Variants in EBF2 observed in about 807,000 individuals in gnomAD.
The protein encoded by EBF2 is EBF transcription factor 2, also known as transcription factor COE2.
Under a neutral mutation model 72.8 loss-of-function variants are expected in EBF2, and 21 were observed. That is an observed-to-expected ratio of 0.29 (90% CI 0.20 to 0.42). The LOEUF (loss-of-function observed/expected upper bound fraction) is 0.42. Ranked by LOEUF, EBF2 falls within the 10% of genes least tolerant of loss-of-function variation. The probability of loss-of-function intolerance (pLI) is 1.00; values close to 1 mark genes in which losing one functional copy is unlikely to be tolerated. For missense variants in EBF2, 637 were observed against 731.2 expected (o/e 0.87, Z 1.49); for synonymous variants, 299 against 274.2 (o/e 1.09, Z -0.89).
At chr8:25,907,450 A>AAAAAAAAAAC (rs1803055305) in intron 7 of EBF2, among the ~76,000 whole-genome samples, 1 of 144,008 alleles carries the variant, frequency 6.9e-6, no homozygotes, top group Non-Finnish European at 1.5e-5. Flanking sequence ...AAAAAAAAAA[A>AAAAAAAAAAC]AAATTATTCA....
At position 25,988,158 on chromosome 8, in the gene EBF2, G is replaced by A. The variant is rs1804491120; in HGVS notation, c.551+44927C>T. On this transcript the variant is annotated intron_variant, in intron 6 of 15. Coordinates refer to ENST00000520164, the MANE Select transcript of EBF2 (RefSeq NM_022659.4). The stretch of plus-strand genomic sequence containing the variant: ...GTGTAGATAGAAGAGAAATAAAGAG[G>A]GTAGAGCACATACTCCCACCCTGGG... Among the ~76,000 whole-genome samples the A allele has an allele frequency of 3.9e-5, 6 of 152,022 alleles. No individual in the cohort carries two copies. The South Asian group carries it at 1.2e-3, about 32-fold the overall frequency.
chr8:25,841,948 CT>C lies in EBF2; in HGVS notation c.*2660del, dbSNP rs1358884354. On this transcript the variant is annotated 3_prime_UTR_variant, in exon 16 of 16. Transcript: ENST00000520164. ...AAACTATACAGTGTGAAAATGAAAC[CT>C]TACTGTACAAAAGGTAGAGAAGTTA... 1 of 152,000 alleles carries C rather than the reference CT, an allele frequency of 6.6e-6. No homozygotes were observed. Among genetic ancestry groups the C allele is most frequent in the Non-Finnish European group, 1.5e-5 (1 of 68,000 alleles). 9.4% of individuals were successfully genotyped at this position (152,000 alleles called of 1,614,324 possible). A position where few individuals can be genotyped will look rare whatever the true frequency, so the allele number is the denominator to read the frequency against.
chr8:25,993,640 A>G lies in EBF2; in HGVS notation c.551+39445T>C, dbSNP rs1041830105. Among the ~76,000 whole-genome samples the G allele has an allele frequency of 3.3e-4, 51 of 152,302 alleles. 1 individual carries two copies. Among genetic ancestry groups the G allele is most frequent in the South Asian group, 6.2e-4 (3 of 4,824 alleles). ...CATTCTTCACGCAGCAACCGGGGGA[A>G]ACTGCAACCACTGTGTGGAATGCAA... On this transcript the variant is annotated intron_variant, in intron 6 of 15. Transcript: ENST00000520164.
chr8:25,917,998 G>A (rs1803252724), intron 6 of EBF2, among the ~76,000 whole-genome samples: 1 of 152,186 alleles, frequency 6.6e-6, no homozygotes. Flanking sequence ...TTTGGAAAGG[G>A]AATCAAGGTT....
chr8:26,004,831 G>A (rs1040475992), intron 6 of EBF2, among the ~76,000 whole-genome samples: 1 of 151,870 alleles, frequency 6.6e-6, no homozygotes, highest in African/African-American at 2.4e-5. Context: ...CTTCCAAATG[G>A]TGACTTCGTA....
At chr8:25,858,563 T>C in intron 13 of EBF2, 59 bp from the exon 14 acceptor site, 1 of 1,533,188 alleles carries the variant, frequency 6.5e-7, no homozygotes. Context: ...AGGCCACATG[T>C]GGCTAGCACA....
chr8:26,025,252 T>G (rs769240056), intron 6 of EBF2, among the ~76,000 whole-genome samples: 3 of 152,182 alleles, frequency 2.0e-5, no homozygotes, highest in Non-Finnish European at 2.9e-5. Context: ...TACCATCCAT[T>G]GACCTAGTCT....
intron 6 of EBF2, among the ~76,000 whole-genome samples, chr8:26,009,810 G>A (rs373322113): frequency 6.6e-6 from 1 of 152,144 alleles, no homozygotes; most frequent in Non-Finnish European, 1.5e-5. Flanking sequence ...TCAGTGACTG[G>A]CTTCATTTCA....
chr8:25,865,618 G>A (rs1481676968), intron 10 of EBF2, among the ~76,000 whole-genome samples: 1 of 151,720 alleles, frequency 6.6e-6, no homozygotes, highest in African/African-American at 2.4e-5. Context: ...TTTGAGACAG[G>A]GTTTCACCCT....
intron 6 of EBF2, among the ~76,000 whole-genome samples, chr8:25,911,573 C>T (rs1352921223): frequency 6.6e-6 from 1 of 152,208 alleles, no homozygotes; most frequent in Non-Finnish European, 1.5e-5. Context: ...TGGCTACCAA[C>T]TGACCACAGG....
chr8:25,972,092 G>A (rs1385211056), intron 6 of EBF2, among the ~76,000 whole-genome samples: 5 of 152,240 alleles, frequency 3.3e-5, no homozygotes, highest in Admixed American at 6.5e-5. Flanking sequence ...TGGGGACTAC[G>A]TGGCTGTTCC....
intron 6 of EBF2, among the ~76,000 whole-genome samples, chr8:25,922,401 C>T (rs189379046): frequency 6.6e-6 from 1 of 152,220 alleles, no homozygotes; most frequent in African/African-American, 2.4e-5. Context: ...ATTCTCAAAG[C>T]CTGGTGTGGT....
At chr8:26,005,561 T>TATATATAG (rs375386709) in intron 6 of EBF2, among the ~76,000 whole-genome samples, 6 of 63,898 alleles carry the variant, frequency 9.4e-5, no homozygotes, top group African/African-American at 2.2e-4. Context: ...TATATATATA[T>TATATATAG]AGAGAGAGAG....
intron 10 of EBF2, among the ~76,000 whole-genome samples, chr8:25,867,734 T>C (rs549146265): frequency 7.9e-5 from 12 of 152,314 alleles, no homozygotes; most frequent in South Asian, 2.1e-4. Flanking sequence ...TATCCAACTG[T>C]TGGCTAGAAA....
At chr8:25,865,124 A>G (rs1379306251) in intron 10 of EBF2, among the ~76,000 whole-genome samples, 2 of 151,952 alleles carry the variant, frequency 1.3e-5, no homozygotes, top group Non-Finnish European at 2.9e-5. Context: ...TTATCCATTT[A>G]TTCTTTCCAG....
intron 5 of EBF2, among the ~76,000 whole-genome samples, chr8:26,036,515 C>G (rs908753205): frequency 6.7e-6 from 1 of 149,750 alleles, no homozygotes; most frequent in Non-Finnish European, 1.5e-5. Context: ...AAATTTTTTT[C>G]TGGGTCTGTT....
At chr8:25,860,461 C>T (rs1218185248) in intron 13 of EBF2, among the ~76,000 whole-genome samples, 1 of 151,858 alleles carries the variant, frequency 6.6e-6, no homozygotes, top group Admixed American at 6.6e-5. Flanking sequence ...TAAGCCCAAA[C>T]CCTTCTAAAT....
At chr8:26,009,668 A>G (rs796435069) in intron 6 of EBF2, among the ~76,000 whole-genome samples, 9 of 152,354 alleles carry the variant, frequency 5.9e-5, no homozygotes, top group African/African-American at 2.2e-4. Context: ...GGTATCTACT[A>G]CATTATAGCG....
chr8:25,872,142 G>C (rs1201287383), intron 10 of EBF2, among the ~76,000 whole-genome samples: 3 of 152,168 alleles, frequency 2.0e-5, no homozygotes, highest in African/African-American at 7.2e-5. Flanking sequence ...GGCTAACATG[G>C]AAAGGGGGCT....
Sources: allele counts gnomAD v4.1 joint callset (sites outside exome capture counted in the v4.1 genomes callset), GRCh38; gene constraint gnomAD v4.1.1; transcripts MANE v1.5; gene names NCBI Gene and HGNC (gene_info 2026-07-23, HGNC 2026-07-21).